FRMD5: variants seen among roughly 807,000 people sequenced by gnomAD.
FRMD5 encodes the protein FERM domain-containing protein 5.
In FRMD5, 20 loss-of-function variants were observed where a neutral mutation model predicts 69.0. The ratio of observed to expected loss-of-function variants is 0.29; its 90% CI spans 0.20 to 0.42. FRMD5 has a LOEUF of 0.42. Ranked by LOEUF, FRMD5 falls within the 10% of genes least tolerant of loss-of-function variation. The pLI is 1.00. For synonymous variants in FRMD5, 271 were observed against 260.1 expected (o/e 1.04, Z -0.40); for missense variants, 595 against 708.6 (o/e 0.84, Z 1.82).
chr15:44,098,797 T>G (rs1566945050), intron 1 of FRMD5, among the ~76,000 whole-genome samples: 3 of 152,124 alleles, frequency 2.0e-5, no homozygotes, highest in African/African-American at 7.2e-5. Context: ...TTAGAATAAT[T>G]AGACAAAGTC....
upstream of FRMD5, among the ~76,000 whole-genome samples, chr15:44,199,040 C>G (rs1399665924): frequency 6.6e-6 from 1 of 152,126 alleles, no homozygotes. Context: ...CATTTCGTGT[C>G]TCTGCTTCAG....
chr15:43,964,492 C>CA (rs2090259404), intron 1 of FRMD5, among the ~76,000 whole-genome samples: 1 of 117,344 alleles, frequency 8.5e-6, no homozygotes, highest in African/African-American at 4.2e-5. Context: ...AACAAACAAA[C>CA]AAACAAACAA....
chr15:44,015,781 TGAA>T (rs1367114506), intron 1 of FRMD5, among the ~76,000 whole-genome samples: 2 of 152,238 alleles, frequency 1.3e-5, no homozygotes, highest in Non-Finnish European at 2.9e-5. Flanking sequence ...TACGTCATAC[TGAA>T]GGACTATGCA....
chr15:44,081,993 TTC>T lies in FRMD5; in HGVS notation c.102+112958_102+112959del, dbSNP rs1219763282. 2.0e-5 allele frequency among the ~76,000 whole-genome samples: 3 copies of T among 152,142 alleles called. No homozygotes were observed. The East Asian group carries it at 5.8e-4, about 29-fold the overall frequency. Reference sequence around the variant, plus strand: ...GAAATGGCAATTGGCTGTGAAATTATTCTGAGACCTGCTTTTCCCAAAAATTC... The same window carrying T: ...GAAATGGCAATTGGCTGTGAAATTATTGAGACCTGCTTTTCCCAAAAATTC... On this transcript the variant is annotated intron_variant, in intron 1 of 13. Coordinates refer to ENST00000417257, the MANE Select transcript of FRMD5 (RefSeq NM_032892.5).
At chr15:44,162,517 T>C (rs939950940) in intron 1 of FRMD5, among the ~76,000 whole-genome samples, 1 of 152,192 alleles carries the variant, frequency 6.6e-6, no homozygotes, top group African/African-American at 2.4e-5. Context: ...CTATTGGCTC[T>C]AAAGTCATGT....
rs182885704 is a variant in FRMD5 at position 43,970,501 on chromosome 15, G to A, written c.103-46192C>T. The stretch of plus-strand genomic sequence containing the variant: ...CTGTTGTCGTTGTTGAGACAGTCTC[G>A]CTCTGTCACCCAGGCTGGAGTGCAG... On this transcript the variant is annotated intron_variant, in intron 1 of 13. Coordinates refer to ENST00000417257, the MANE Select transcript of FRMD5 (RefSeq NM_032892.5). Among the ~76,000 whole-genome samples the A allele has an allele frequency of 2.2e-4, 33 of 152,100 alleles. No homozygotes were observed. The East Asian group carries it at 5.4e-3, about 25-fold the overall frequency.
chr15:44,171,308 A>G (rs888731892), intron 1 of FRMD5, among the ~76,000 whole-genome samples: 3 of 152,212 alleles, frequency 2.0e-5, no homozygotes, highest in Non-Finnish European at 4.4e-5. Flanking sequence ...TGTCTAAGTG[A>G]TATTTTAAAG....
chr15:44,003,307 C>A (rs145933235), intron 1 of FRMD5, among the ~76,000 whole-genome samples: 1 of 152,306 alleles, frequency 6.6e-6, no homozygotes, highest in East Asian at 1.9e-4. Flanking sequence ...AGTCTCCCTG[C>A]CTCTACCCTT....
intron 1 of FRMD5, among the ~76,000 whole-genome samples, chr15:44,166,041 C>A (rs1379271899): frequency 6.6e-6 from 1 of 151,948 alleles, no homozygotes; most frequent in Non-Finnish European, 1.5e-5. Context: ...AGTTAACTTG[C>A]AAATCTTTTA....
rs34063043 is a variant in FRMD5 at position 43,875,804 on chromosome 15, G to GTTTTT, written c.1136-1347_1136-1343dup. ...TCTTGCCTTTGGTGTCCTGGGCCTA[G>GTTTTT]TTTTTTTTTTTTTTTTTTTTTTTCT... On this transcript the variant is annotated intron_variant, in intron 13 of 13. Transcript: ENST00000417257. 5.0e-3 allele frequency: 1,058 copies of GTTTTT among 210,356 alleles called. 93 individuals carry two copies. The highest frequency in any genetic ancestry group is 6.4e-3 in the South Asian group (83 of 13,026). 13.0% of individuals were successfully genotyped at this position (210,356 alleles called of 1,614,324 possible).
chr15:43,903,145 A>T (rs557017855), intron 6 of FRMD5, among the ~76,000 whole-genome samples: 25 of 152,354 alleles, frequency 1.6e-4, no homozygotes, highest in Admixed American at 9.8e-4. Context: ...TTGCAGACCC[A>T]GTGGCAGAAT....
chr15:44,076,209 G>C (rs1042142070), intron 1 of FRMD5, among the ~76,000 whole-genome samples: 3 of 152,066 alleles, frequency 2.0e-5, no homozygotes, highest in African/African-American at 7.2e-5. Flanking sequence ...GTGGAAGTCA[G>C]TGTGGCAATT....
chr15:43,873,301 T>C lies in FRMD5; in HGVS notation c.*584A>G. 6.6e-7 allele frequency: 1 copy of C among 1,524,606 alleles called. No individual in the cohort carries two copies. Among genetic ancestry groups the C allele is most frequent in the South Asian group, 1.2e-5 (1 of 80,176 alleles). The allele number at this position is 1,524,606 out of a possible 1,614,324, so 94.4% of individuals were successfully genotyped here. Reference sequence around the variant, plus strand: ...AAGAAGCAACTTTCCATTTAATCATTCTACATGGATGTTTACTTTTTTAAA... The same window carrying C: ...AAGAAGCAACTTTCCATTTAATCATCCTACATGGATGTTTACTTTTTTAAA... On this transcript the variant is annotated 3_prime_UTR_variant, in exon 14 of 14. Transcript: ENST00000417257.
At chr15:44,057,224 AAGCGATTCTCCTGCCTC>A (rs1892908022) in intron 1 of FRMD5, among the ~76,000 whole-genome samples, 1 of 151,732 alleles carries the variant, frequency 6.6e-6, no homozygotes, top group South Asian at 2.1e-4. Flanking sequence ...TCCGGGGTTC[AAGCGATTCTCCTGCCTC>A]AGCCTCCCCA....
intron 1 of FRMD5, among the ~76,000 whole-genome samples, chr15:44,089,820 T>C (rs1304945785): frequency 1.3e-5 from 2 of 152,024 alleles, no homozygotes; most frequent in African/African-American, 4.8e-5. Flanking sequence ...GTGAAAGATG[T>C]CTGTAGTGCA....
chr15:44,167,427 T>C (rs900616929), intron 1 of FRMD5, among the ~76,000 whole-genome samples: 1 of 151,530 alleles, frequency 6.6e-6, no homozygotes, highest in Non-Finnish European at 1.5e-5. Flanking sequence ...GGAAGGAGAG[T>C]GTAGTAACAA....
At chr15:44,099,545 TGGAA>T (rs1437944195) in intron 1 of FRMD5, among the ~76,000 whole-genome samples, 3 of 152,188 alleles carry the variant, frequency 2.0e-5, no homozygotes, top group Non-Finnish European at 4.4e-5. Context: ...TTCTGGAGAA[TGGAA>T]GGAAGAAGTG....
intron 1 of FRMD5, among the ~76,000 whole-genome samples, chr15:44,027,212 T>A (rs1471453533): frequency 2.0e-5 from 3 of 152,160 alleles, no homozygotes; most frequent in Non-Finnish European, 4.4e-5. Context: ...AAATAAGACT[T>A]TCTATCCTTT....
intron 2 of FRMD5, among the ~76,000 whole-genome samples, chr15:43,922,937 T>A (rs972119051): frequency 4.6e-5 from 7 of 152,210 alleles, no homozygotes; most frequent in African/African-American, 1.4e-4. Context: ...CCCAAAGTGC[T>A]GGGATTACAG....
Sources: allele counts gnomAD v4.1 joint callset (sites outside exome capture counted in the v4.1 genomes callset), GRCh38; gene constraint gnomAD v4.1.1; transcripts MANE v1.5; gene names NCBI Gene and HGNC (gene_info 2026-07-23, HGNC 2026-07-21).